PAK1: variants seen among roughly 807,000 people sequenced by gnomAD.
The protein encoded by PAK1 is serine/threonine-protein kinase PAK 1.
A neutral mutation model predicts 67.4 loss-of-function variants in PAK1; 29 were observed. The observed-to-expected ratio is 0.43, with a 90% CI of 0.32 to 0.59. The LOEUF (loss-of-function observed/expected upper bound fraction) is 0.59, where lower values mean the gene tolerates loss of function less well. PAK1 is among the 20% of genes least tolerant of loss of function. The pLI is 0.07. For synonymous variants in PAK1, 223 were observed against 237.4 expected (o/e 0.94, Z 0.56); for missense variants, 337 against 670.7 (o/e 0.50, Z 5.50).
intron 2 of PAK1, among the ~76,000 whole-genome samples, chr11:77,388,600 G>T (rs373054726): frequency 3.3e-5 from 5 of 152,122 alleles, no homozygotes; most frequent in Non-Finnish European, 7.3e-5. Context: ...TGATCCACCC[G>T]CCTCGGCCTC....
intron 2 of PAK1, among the ~76,000 whole-genome samples, chr11:77,382,707 T>C (rs1949988319): frequency 6.6e-6 from 1 of 152,088 alleles, no homozygotes; most frequent in South Asian, 2.1e-4. Flanking sequence ...CTAGAAAATA[T>C]TAGGGAATGG....
At chr11:77,484,344 C>T in the PAK1 span, among the ~76,000 whole-genome samples, 10 of 152,166 alleles carry the variant, frequency 6.6e-5, no homozygotes, top group East Asian at 1.9e-3. Flanking sequence ...CCCCAGGAGG[C>T]TTGACTGAAC....
upstream of PAK1, chr11:77,474,158 C>CCTCCCCTCTGCCCTTTCCCCTT (rs1958011399): frequency 6.6e-6 from 1 of 152,108 alleles, no homozygotes; most frequent in Admixed American, 6.6e-5. Flanking sequence ...CCCGCCTCCT[C>CCTCCCCTCTGCCCTTTCCCCTT]CTCCCCTCTG....
At chr11:77,475,973 C>A (rs942816318), upstream of PAK1, 3 of 152,214 alleles carry the variant, frequency 2.0e-5, no homozygotes, top group African/African-American at 4.8e-5. Flanking sequence ...AAGTTTGAGA[C>A]CAGCCTGGCC....
intron 1 of PAK1, among the ~76,000 whole-genome samples, chr11:77,423,990 G>T (rs191349988): frequency 2.0e-5 from 3 of 152,162 alleles, no homozygotes. Flanking sequence ...AAAGAATATT[G>T]GGGGCTCACA....
chr11:77,484,848 T>C, the PAK1 span, among the ~76,000 whole-genome samples: 1 of 152,210 alleles, frequency 6.6e-6, no homozygotes, highest in Non-Finnish European at 1.5e-5. Flanking sequence ...CTGGGTAATT[T>C]ACAAAAGAAA....
chr11:77,512,782 C>G, the PAK1 span, among the ~76,000 whole-genome samples: 1 of 152,110 alleles, frequency 6.6e-6, no homozygotes, highest in Non-Finnish European at 1.5e-5. Flanking sequence ...TCACTTGTAT[C>G]TGCATATTAT....
chr11:77,423,620 C>T (rs917572404), intron 1 of PAK1, among the ~76,000 whole-genome samples: 1 of 152,134 alleles, frequency 6.6e-6, no homozygotes, highest in African/African-American at 2.4e-5. Flanking sequence ...CTCACTGTCT[C>T]ATTAAGGAAA....
In PAK1 at chr11:77,343,877, T is replaced by C. The variant is rs1485272225; in HGVS notation, c.940A>G (p.Asn314Asp). 6.2e-7 allele frequency: 1 copy of C among 1,613,548 alleles called. No homozygotes were observed. Among genetic ancestry groups the C allele is most frequent in the Non-Finnish European group, 8.5e-7 (1 of 1,179,590 alleles). ...QQQPKKELII[N>D]EILVMRENKN... ...TTTTCCCTCATGACCAGGATCTCAT[T>C]AATAATCAGCTCTTTCTTGGGCTGC... Residue 314 changes from asparagine to aspartate, a missense_variant, in exon 10 of 15, where the codon AAT (asparagine) becomes GAT (aspartate). Transcript: ENST00000356341.
At chr11:77,355,990 T>C (rs1945987291) in intron 6 of PAK1, 148 bp from the exon 7 acceptor site, 1 of 591,136 alleles carries the variant, frequency 1.7e-6, no homozygotes, top group African/African-American at 1.9e-5. Flanking sequence ...TCCTCCTCTG[T>C]GCCCAGGCCC....
chr11:77,447,918 T>C (rs947992829), intron 1 of PAK1, among the ~76,000 whole-genome samples: 12 of 152,240 alleles, frequency 7.9e-5, no homozygotes, highest in South Asian at 2.1e-4. Context: ...TAATACACAA[T>C]TATGAGAGTA....
chr11:77,410,757 G>A (rs1028948795), intron 1 of PAK1, among the ~76,000 whole-genome samples: 2 of 151,544 alleles, frequency 1.3e-5, no homozygotes, highest in African/African-American at 4.9e-5. Context: ...AGAGGAAGAC[G>A]TAGAGTCATG....
intron 14 of PAK1, among the ~76,000 whole-genome samples, chr11:77,326,143 T>C (rs929896012): frequency 2.6e-5 from 4 of 152,172 alleles, no homozygotes; most frequent in African/African-American, 9.7e-5. Context: ...ACACTAGTTA[T>C]AAGAAATTGT....
At chr11:77,519,803 T>C in the PAK1 span, among the ~76,000 whole-genome samples, 47,529 of 152,138 alleles carry the variant, frequency 0.31, 8,167 homozygotes, top group East Asian at 0.4. Flanking sequence ...TACCAGGTTC[T>C]AGACACAAGC....
chr11:77,338,928 G>A (rs772577289), intron 11 of PAK1, among the ~76,000 whole-genome samples: 44 of 152,132 alleles, frequency 2.9e-4, no homozygotes, highest in Non-Finnish European at 5.4e-4. Flanking sequence ...GAGAGTCAGG[G>A]CAGGGGACAT....
intron 4 of PAK1, among the ~76,000 whole-genome samples, chr11:77,376,127 C>G (rs1368749640): frequency 6.6e-6 from 1 of 152,182 alleles, no homozygotes; most frequent in East Asian, 1.9e-4. Context: ...GCACTACCCC[C>G]AACTTTACGT....
intron 5 of PAK1, among the ~76,000 whole-genome samples, chr11:77,366,672 G>T (rs1338390097): frequency 6.6e-6 from 1 of 152,138 alleles, no homozygotes; most frequent in East Asian, 1.9e-4. Context: ...CCACTAAAAT[G>T]ACTACAATAA....
intron 2 of PAK1, among the ~76,000 whole-genome samples, chr11:77,387,019 C>T (rs934130326): frequency 2.6e-5 from 4 of 151,900 alleles, no homozygotes; most frequent in Admixed American, 2.0e-4. Context: ...AGTGATCCAC[C>T]CGCCTTGGCC....
At chr11:77,383,708 A>C (rs1211189753) in intron 2 of PAK1, among the ~76,000 whole-genome samples, 1 of 152,166 alleles carries the variant, frequency 6.6e-6, no homozygotes, top group Non-Finnish European at 1.5e-5. Context: ...GGAATACAGG[A>C]GAGAAATGGA....
Sources: gnomAD v4.1 joint callset for allele counts (sites outside exome capture counted in the v4.1 genomes callset) on GRCh38, gnomAD v4.1.1 for gene constraint, MANE v1.5 for transcripts, NCBI Gene and HGNC (gene_info 2026-07-23, HGNC 2026-07-21) for gene names.